STIM1: variants seen among roughly 807,000 people sequenced by gnomAD.
STIM1 encodes the protein stromal interaction molecule 1.
In STIM1, 25 loss-of-function variants were observed where a neutral mutation model predicts 74.7. The observed-to-expected ratio is 0.33, with a 90% CI of 0.24 to 0.47. The LOEUF (loss-of-function observed/expected upper bound fraction) is 0.47. Among genes scored for constraint, STIM1 ranks in the 20% least tolerant of loss-of-function variants. The pLI, the probability that STIM1 is intolerant of heterozygous loss-of-function variation, is 1.00. For missense variants in STIM1, 728 were observed against 920.8 expected (o/e 0.79, Z 2.71); for synonymous variants, 328 against 348.8 (o/e 0.94, Z 0.66).
At chr11:3,961,516 AT>A (rs749704432) in intron 1 of STIM1, 9 of 148,540 alleles carry the variant, frequency 6.1e-5, no homozygotes, top group Non-Finnish European at 5.9e-5. Context: ...ATATACATAT[AT>A]TTTTTTTTTG....
intron 1 of STIM1, among the ~76,000 whole-genome samples, chr11:3,868,915 A>G (rs1043494613): frequency 2.0e-5 from 3 of 152,074 alleles, no homozygotes; most frequent in Non-Finnish European, 4.4e-5. Flanking sequence ...ATTAAGATGT[A>G]TGGTCACATT....
intron 2 of STIM1, among the ~76,000 whole-genome samples, chr11:4,022,956 C>G (rs2093969565): frequency 6.6e-6 from 1 of 152,176 alleles, no homozygotes; most frequent in South Asian, 2.1e-4. Context: ...AGATGAGTCA[C>G]TAATGTCAGC....
At chr11:3,983,212 G>A (rs2093524350) in intron 2 of STIM1, among the ~76,000 whole-genome samples, 1 of 152,210 alleles carries the variant, frequency 6.6e-6, no homozygotes, top group Non-Finnish European at 1.5e-5. Flanking sequence ...GGGATTACAA[G>A]TGTAAGCCAC....
At chr11:3,894,454 G>T (rs898301332) in intron 1 of STIM1, among the ~76,000 whole-genome samples, 2 of 152,112 alleles carry the variant, frequency 1.3e-5, no homozygotes, top group African/African-American at 4.8e-5. Flanking sequence ...TAAGTCCCTG[G>T]GGCCTGTGCA....
intron 1 of STIM1, among the ~76,000 whole-genome samples, chr11:3,952,112 T>A (rs998445799): frequency 2.0e-5 from 3 of 152,104 alleles, no homozygotes; most frequent in African/African-American, 7.2e-5. Flanking sequence ...TTTGCTATTG[T>A]TGGGAAGGTA....
chr11:3,958,317 G>A (rs1009093808), intron 1 of STIM1, among the ~76,000 whole-genome samples: 1 of 152,046 alleles, frequency 6.6e-6, no homozygotes, highest in Non-Finnish European at 1.5e-5. Flanking sequence ...AAACCAGCCT[G>A]GGCAACATAA....
At chr11:3,884,808 A>G (rs923346875) in intron 1 of STIM1, among the ~76,000 whole-genome samples, 4 of 151,990 alleles carry the variant, frequency 2.6e-5, no homozygotes, top group African/African-American at 9.7e-5. Flanking sequence ...GTATGTTTGT[A>G]TAATGGAATC....
At chr11:4,039,329 C>T (rs1056648376) in intron 3 of STIM1, among the ~76,000 whole-genome samples, 11 of 151,966 alleles carry the variant, frequency 7.2e-5, no homozygotes, top group African/African-American at 2.7e-4. Context: ...TGGCTCATGT[C>T]TGTAATCCCA....
In STIM1 at chr11:3,976,364, T is replaced by C. The variant is rs115087776; in HGVS notation, c.270+8682T>C. ...ATAGGGATGGAGACTAGGTCAGTGGTTATCAGGGGTTATTAGTGTAGGGGA... is the reference window on the plus strand; with the variant it reads ...ATAGGGATGGAGACTAGGTCAGTGGCTATCAGGGGTTATTAGTGTAGGGGA... On this transcript the variant is annotated intron_variant, in intron 2 of 12. Transcript: ENST00000526596. Among the ~76,000 whole-genome samples the C allele has an allele frequency of 2.9e-3, 448 of 152,256 alleles. 1 individual carries two copies. The highest frequency in any genetic ancestry group is 9.9e-3 in the African/African-American group (412 of 41,554).
intron 1 of STIM1, among the ~76,000 whole-genome samples, chr11:3,949,539 A>G (rs1295710538): frequency 2.0e-5 from 3 of 152,172 alleles, no homozygotes; most frequent in Admixed American, 2.0e-4. Context: ...ATGAATCCAT[A>G]TTATTTCCTC....
rs1213048982 is a variant in STIM1 at position 4,000,811 on chromosome 11, C to A, written c.271-23062C>A. 5.3e-5 allele frequency among the ~76,000 whole-genome samples: 8 copies of A among 152,152 alleles called. No individual in the cohort carries two copies. In the South Asian group the frequency reaches 1.2e-3, roughly 24 times the overall value. ...CCAAGCTACAGGAGGAAATTCAAACCAAAGGCAAAGAAGTTGAAAACTTTG... is the reference window on the plus strand; with the variant it reads ...CCAAGCTACAGGAGGAAATTCAAACAAAAGGCAAAGAAGTTGAAAACTTTG... On this transcript the variant is annotated intron_variant, in intron 2 of 12. Transcript: ENST00000526596.
intron 2 of STIM1, among the ~76,000 whole-genome samples, chr11:4,009,862 G>C (rs2093818889): frequency 6.6e-6 from 1 of 151,882 alleles, no homozygotes; most frequent in African/African-American, 2.4e-5. Flanking sequence ...GCCCAGGCTG[G>C]AGTACAGTGG....
chr11:3,879,397 G>A (rs553935512), intron 1 of STIM1, among the ~76,000 whole-genome samples: 109 of 152,176 alleles, frequency 7.2e-4, no homozygotes, highest in African/African-American at 2.6e-3. Flanking sequence ...TTCTTAGTCT[G>A]TACCATATAA....
intron 6 of STIM1, 139 bp downstream of exon 6, chr11:4,070,342 T>C (rs954151463): frequency 2.0e-5 from 19 of 957,536 alleles, no homozygotes; most frequent in Non-Finnish European, 3.0e-5. Context: ...CAAAACTGCA[T>C]TGCAAGTTTA....
chr11:4,086,677 T>G (rs1487200155), intron 12 of STIM1, 134 bp downstream of exon 12: 11 of 1,543,164 alleles, frequency 7.1e-6, no homozygotes, highest in South Asian at 2.4e-5. Flanking sequence ...TGCTGCTGCT[T>G]CTTGCTCCTC....
At chr11:3,880,714 T>G (rs938243783) in intron 1 of STIM1, among the ~76,000 whole-genome samples, 1 of 152,152 alleles carries the variant, frequency 6.6e-6, no homozygotes, top group Non-Finnish European at 1.5e-5. Context: ...GTTATATCTC[T>G]GGCCTCCCTG....
intron 1 of STIM1, among the ~76,000 whole-genome samples, chr11:3,858,159 T>G (rs2090456446): frequency 6.6e-6 from 1 of 151,854 alleles, no homozygotes; most frequent in Admixed American, 6.6e-5. Flanking sequence ...TTTTGGAGAG[T>G]GGGTGTTCTA....
intron 1 of STIM1, among the ~76,000 whole-genome samples, chr11:3,923,155 C>T (rs185614018): frequency 6.7e-6 from 1 of 149,646 alleles, no homozygotes; most frequent in African/African-American, 2.5e-5. Context: ...AATGATTTCC[C>T]CATAATTTTT....
intron 1 of STIM1, among the ~76,000 whole-genome samples, chr11:3,916,439 C>G (rs928770630): frequency 6.1e-5 from 9 of 147,206 alleles, no homozygotes; most frequent in Non-Finnish European, 1.2e-4. Flanking sequence ...AAGCATGTGC[C>G]ACCACACCCA....
Sources: gnomAD v4.1 joint callset for allele counts (sites outside exome capture counted in the v4.1 genomes callset) on GRCh38, gnomAD v4.1.1 for gene constraint, MANE v1.5 for transcripts, NCBI Gene and HGNC (gene_info 2026-07-23, HGNC 2026-07-21) for gene names.